Variants in ITGA9 observed in about 807,000 individuals in gnomAD.
ITGA9 encodes the protein integrin subunit alpha 9, also known as integrin alpha-9.
A neutral mutation model predicts 127.8 loss-of-function variants in ITGA9; 56 were observed. The ratio of observed to expected loss-of-function variants is 0.44; its 90% CI spans 0.35 to 0.55. ITGA9 has a LOEUF of 0.55. Ranked by LOEUF, ITGA9 falls within the 20% of genes least tolerant of loss-of-function variation. The pLI, the probability that ITGA9 is intolerant of heterozygous loss-of-function variation, is 0.00. For synonymous variants in ITGA9, 508 were observed against 514.5 expected, an observed-to-expected ratio of 0.99 and a Z score of 0.17; for missense variants, 1,196 against 1,347.1, an observed-to-expected ratio of 0.89 and a Z score of 1.76.
chr3:37,794,756 C>T (rs1377732441), intron 26 of ITGA9, among the ~76,000 whole-genome samples: 1 of 152,222 alleles, frequency 6.6e-6, no homozygotes, highest in East Asian at 1.9e-4. Context: ...CAAACTCTGA[C>T]AGAGAAAGGG....
chr3:37,530,813 G>A (rs1397233569), intron 13 of ITGA9, among the ~76,000 whole-genome samples: 7 of 126,524 alleles, frequency 5.5e-5, no homozygotes, highest in East Asian at 2.5e-4. Flanking sequence ...GTGCAGTGGC[G>A]CGATCTTGGC....
chr3:37,725,385 G>A (rs1490469412), intron 18 of ITGA9, among the ~76,000 whole-genome samples: 1 of 152,168 alleles, frequency 6.6e-6, no homozygotes, highest in Non-Finnish European at 1.5e-5. Context: ...TTGACAGCTG[G>A]GGTCTGTAAT....
chr3:37,761,174 GGT>G (rs1575226087), intron 23 of ITGA9, among the ~76,000 whole-genome samples: 1 of 152,118 alleles, frequency 6.6e-6, no homozygotes, highest in East Asian at 1.9e-4. Flanking sequence ...CTTAAAATGA[GGT>G]TTTTCTCCTC....
At chr3:37,652,753 G>C (rs971852422) in intron 16 of ITGA9, among the ~76,000 whole-genome samples, 2 of 152,190 alleles carry the variant, frequency 1.3e-5, no homozygotes, top group African/African-American at 2.4e-5. Context: ...ACAACTAAAA[G>C]TTGTCAACAG....
At chr3:37,541,649 G>A (rs1699271261) in intron 14 of ITGA9, among the ~76,000 whole-genome samples, 1 of 152,144 alleles carries the variant, frequency 6.6e-6, no homozygotes, top group South Asian at 2.1e-4. Flanking sequence ...ATTCTTTGCA[G>A]GAGAGGACCT....
At chr3:37,735,120 C>G (rs892696466) in intron 19 of ITGA9, among the ~76,000 whole-genome samples, 1 of 152,268 alleles carries the variant, frequency 6.6e-6, no homozygotes, top group Non-Finnish European at 1.5e-5. Context: ...ATTTCTCTCT[C>G]TCACAGCCTG....
chr3:37,617,124 T>A (rs1426159559), intron 15 of ITGA9, among the ~76,000 whole-genome samples: 1 of 152,256 alleles, frequency 6.6e-6, no homozygotes, highest in Non-Finnish European at 1.5e-5. Flanking sequence ...CCATGTTTAG[T>A]GCTTCCTTCA....
intron 19 of ITGA9, among the ~76,000 whole-genome samples, chr3:37,736,455 C>T (rs900671450): frequency 5.9e-5 from 9 of 152,232 alleles, no homozygotes; most frequent in African/African-American, 1.7e-4. Context: ...ATTTTTACAA[C>T]TACCTTCTCT....
intron 26 of ITGA9, among the ~76,000 whole-genome samples, chr3:37,789,733 C>T (rs1394201330): frequency 7.5e-6 from 1 of 133,304 alleles, no homozygotes; most frequent in Non-Finnish European, 1.5e-5. Context: ...CACGCCACTG[C>T]ACTCCAGCCT....
chr3:37,648,035 A>T (rs757963011), intron 16 of ITGA9, among the ~76,000 whole-genome samples: 3 of 152,198 alleles, frequency 2.0e-5, no homozygotes, highest in African/African-American at 4.8e-5. Context: ...CTTTGAGTAT[A>T]TACCCAGAAG....
intron 27 of ITGA9, among the ~76,000 whole-genome samples, chr3:37,816,556 A>G (rs994012909): frequency 6.6e-6 from 1 of 152,154 alleles, no homozygotes; most frequent in Non-Finnish European, 1.5e-5. Context: ...TTAGATTTCC[A>G]TTCAGTCTTG....
chr3:37,550,665 A>T (rs532009852), intron 15 of ITGA9, among the ~76,000 whole-genome samples: 1 of 152,248 alleles, frequency 6.6e-6, no homozygotes, highest in Non-Finnish European at 1.5e-5. Flanking sequence ...TGGTAAAATA[A>T]TTAGGAAGTT....
intron 15 of ITGA9, among the ~76,000 whole-genome samples, chr3:37,621,377 G>A (rs1461392680): frequency 6.6e-6 from 1 of 152,170 alleles, no homozygotes; most frequent in Non-Finnish European, 1.5e-5. Flanking sequence ...AAATGTCCAT[G>A]CACTCTTTCG....
At chr3:37,630,755 C>CTTCT (rs1700223232) in intron 16 of ITGA9, among the ~76,000 whole-genome samples, 1 of 152,210 alleles carries the variant, frequency 6.6e-6, no homozygotes. Flanking sequence ...AAACACGAAC[C>CTTCT]TTCTTTCACA....
chr3:37,549,654 A>G (rs995743480), intron 15 of ITGA9, among the ~76,000 whole-genome samples: 1 of 152,226 alleles, frequency 6.6e-6, no homozygotes, highest in South Asian at 2.1e-4. Context: ...AGATGTGATT[A>G]TAAAGATCCC....
intron 5 of ITGA9, among the ~76,000 whole-genome samples, chr3:37,496,358 A>G (rs1698729607): frequency 6.6e-6 from 1 of 152,172 alleles, no homozygotes; most frequent in African/African-American, 2.4e-5. Context: ...ACCGCCAATC[A>G]TCCTAACCAT....
At chr3:37,768,726 A>T (rs1430247317) in intron 23 of ITGA9, among the ~76,000 whole-genome samples, 1 of 152,088 alleles carries the variant, frequency 6.6e-6, no homozygotes, top group Non-Finnish European at 1.5e-5. Flanking sequence ...TCTAAAATGA[A>T]CCTAGGTCCC....
chr3:37,606,683 G>A (rs1347719464), intron 15 of ITGA9, among the ~76,000 whole-genome samples: 2 of 152,088 alleles, frequency 1.3e-5, no homozygotes, highest in African/African-American at 2.4e-5. Context: ...CGCTGTCCTC[G>A]GTATGAGATT....
At chr3:37,646,545 C>T (rs777522706) in intron 16 of ITGA9, among the ~76,000 whole-genome samples, 107 of 152,272 alleles carry the variant, frequency 7.0e-4, no homozygotes, top group Non-Finnish European at 1.3e-3. Context: ...AGTTGTCTCC[C>T]GAGAGAAAGG....
Sources: allele counts gnomAD v4.1 joint callset (sites outside exome capture counted in the v4.1 genomes callset), GRCh38; gene constraint gnomAD v4.1.1; transcripts MANE v1.5; gene names NCBI Gene and HGNC (gene_info 2026-07-23, HGNC 2026-07-21).